The following RIN2 variants were observed in gnomAD, a reference collection of about 807,000 sequenced individuals.
RIN2 encodes Ras and Rab interactor 2.
Under a neutral mutation model 78.0 loss-of-function variants are expected in RIN2, and 36 were observed. The ratio of observed to expected loss-of-function variants is 0.46; its 90% CI spans 0.35 to 0.61. RIN2 has a LOEUF of 0.61. Among genes scored for constraint, RIN2 ranks in the 20% least tolerant of loss-of-function variants. The pLI is 0.00. For missense variants in RIN2, 1,087 were observed against 1,159.7 expected (o/e 0.94, Z 0.91); for synonymous variants, 466 against 466.8 (o/e 1.00, Z 0.02).
At chr20:19,852,057 G>A (rs1217591358) in intron 2 of RIN2, among the ~76,000 whole-genome samples, 1 of 152,094 alleles carries the variant, frequency 6.6e-6, no homozygotes, top group East Asian at 1.9e-4. Flanking sequence ...CAGGGCCGTG[G>A]CAGAAGCACC....
At chr20:19,935,522 A>C (rs1445180643) in intron 4 of RIN2, 1 of 1,082,198 alleles carries the variant, frequency 9.2e-7, no homozygotes. Flanking sequence ...CAGCGTGTGC[A>C]AAGTAGAATT....
chr20:19,987,119 G>A (rs2042645808), intron 9 of RIN2, among the ~76,000 whole-genome samples: 1 of 152,260 alleles, frequency 6.6e-6, no homozygotes, highest in Non-Finnish European at 1.5e-5. Context: ...GAGCAGTAAT[G>A]TGAGCTTTTT....
At chr20:19,838,431 C>T (rs895376867) in intron 2 of RIN2, among the ~76,000 whole-genome samples, 2 of 152,194 alleles carry the variant, frequency 1.3e-5, no homozygotes, top group African/African-American at 4.8e-5. Flanking sequence ...TAACCCATAT[C>T]AGTAATTCAG....
chr20:19,773,888 A>C (rs2034221545), intron 1 of RIN2, among the ~76,000 whole-genome samples: 1 of 149,320 alleles, frequency 6.7e-6, no homozygotes, highest in Non-Finnish European at 1.5e-5. Context: ...AATATATACT[A>C]GATGATAAAT....
chr20:19,893,358 C>A (rs558776626), intron 3 of RIN2, among the ~76,000 whole-genome samples: 7 of 152,312 alleles, frequency 4.6e-5, no homozygotes, highest in African/African-American at 1.4e-4. Context: ...CAGCTGAATT[C>A]CACATGAGTA....
At chr20:19,874,182 A>G (rs2123388803) in intron 2 of RIN2, among the ~76,000 whole-genome samples, 1 of 152,292 alleles carries the variant, frequency 6.6e-6, no homozygotes, top group South Asian at 2.1e-4. Context: ...GAAAATGTGA[A>G]TGTTAGATAA....
At chr20:19,834,501 C>T (rs972798261) in intron 2 of RIN2, among the ~76,000 whole-genome samples, 7 of 152,294 alleles carry the variant, frequency 4.6e-5, no homozygotes, top group African/African-American at 7.2e-5. Flanking sequence ...CCCAGTGCGA[C>T]GCTCTGGTTC....
At chr20:19,898,251 C>A (rs2038825333) in intron 3 of RIN2, among the ~76,000 whole-genome samples, 1 of 152,208 alleles carries the variant, frequency 6.6e-6, no homozygotes, top group African/African-American at 2.4e-5. Flanking sequence ...AACACATGCT[C>A]ATCTTCGCCA....
chr20:19,952,132 A>G (rs2041341633), intron 4 of RIN2, among the ~76,000 whole-genome samples: 1 of 152,220 alleles, frequency 6.6e-6, no homozygotes, highest in South Asian at 2.1e-4. Context: ...CAGCAGCGTG[A>G]ATAGCCCCCC....
At chr20:19,862,733 A>C (rs1301997239) in intron 2 of RIN2, among the ~76,000 whole-genome samples, 2 of 152,158 alleles carry the variant, frequency 1.3e-5, no homozygotes, top group African/African-American at 4.8e-5. Flanking sequence ...TTTTTTCTTT[A>C]ATGCTCTTTG....
intron 4 of RIN2, among the ~76,000 whole-genome samples, chr20:19,940,715 T>A (rs2040834730): frequency 6.6e-6 from 1 of 152,180 alleles, no homozygotes; most frequent in Non-Finnish European, 1.5e-5. Context: ...CACTCCCCTC[T>A]CCCTCCCACA....
chr20:19,895,370 G>A lies in RIN2; in HGVS notation c.57+5712G>A, dbSNP rs912531430. Reference sequence around the variant, plus strand: ...ACCAGGGTGAATTGTCCGGTCGACAGTTCTAATTTCTTACCGGCATACCTT... The same window carrying A: ...ACCAGGGTGAATTGTCCGGTCGACAATTCTAATTTCTTACCGGCATACCTT... On this transcript the variant is annotated intron_variant, in intron 3 of 12. Transcript: ENST00000255006. Among the ~76,000 whole-genome samples the A allele has an allele frequency of 3.9e-5, 6 of 152,304 alleles. No homozygotes were observed. In the East Asian group the frequency reaches 1.2e-3, roughly 29 times the overall value.
chr20:19,857,664 C>G (rs954307997), intron 2 of RIN2, among the ~76,000 whole-genome samples: 2 of 152,014 alleles, frequency 1.3e-5, no homozygotes, highest in Admixed American at 6.6e-5. Flanking sequence ...CCAGAGGGTG[C>G]ATGGGAGTGT....
At chr20:19,932,276 C>T (rs2040470820) in intron 3 of RIN2, among the ~76,000 whole-genome samples, 2 of 152,176 alleles carry the variant, frequency 1.3e-5, no homozygotes, top group Admixed American at 6.5e-5. Context: ...CCTTCCGCCA[C>T]GGGATGACTC....
In RIN2 at chr20:19,840,352, G is replaced by A. The variant is rs146806946; in HGVS notation, c.-37+40605G>A. Among the ~76,000 whole-genome samples the A allele has an allele frequency of 2.8e-3, 431 of 152,286 alleles. 2 individuals carry two copies. Among genetic ancestry groups the A allele is most frequent in the African/African-American group, 9.8e-3 (406 of 41,558 alleles). On this transcript the variant is annotated intron_variant, in intron 2 of 12. Coordinates refer to ENST00000255006, the MANE Select transcript of RIN2 (RefSeq NM_018993.4). ...ACTGCATACTTGGGCAGCAGTTTGC[G>A]GTTGGTTGGTTGTCTATCCTTACAA...
At chr20:19,939,612 A>G (rs2040781656) in intron 4 of RIN2, among the ~76,000 whole-genome samples, 1 of 152,082 alleles carries the variant, frequency 6.6e-6, no homozygotes, top group African/African-American at 2.4e-5. Context: ...CTCCTCTGCC[A>G]TCTCTTCTCT....
At chr20:19,951,508 C>T (rs904986605) in intron 4 of RIN2, among the ~76,000 whole-genome samples, 8 of 152,174 alleles carry the variant, frequency 5.3e-5, no homozygotes, top group African/African-American at 1.9e-4. Context: ...ACACAGATCA[C>T]TTGGTTAAGG....
chr20:19,885,889 TAATAA>T (rs143517652), intron 2 of RIN2, among the ~76,000 whole-genome samples: 29 of 151,540 alleles, frequency 1.9e-4, no homozygotes, highest in African/African-American at 5.6e-4. Flanking sequence ...ACTGGTCAAT[TAATAA>T]AATAAAATCC....
intron 9 of RIN2, among the ~76,000 whole-genome samples, chr20:19,978,024 G>A (rs2042334712): frequency 6.6e-6 from 1 of 152,110 alleles, no homozygotes; most frequent in Non-Finnish European, 1.5e-5. Context: ...CCAGGTGGAA[G>A]GAAAGATGCG....
Sources: gnomAD v4.1 joint callset for allele counts (sites outside exome capture counted in the v4.1 genomes callset) on GRCh38, gnomAD v4.1.1 for gene constraint, MANE v1.5 for transcripts, NCBI Gene and HGNC (gene_info 2026-07-23, HGNC 2026-07-21) for gene names.